SLC71A1: variants seen among roughly 807,000 people sequenced by gnomAD.
SLC71A1 encodes the protein solute carrier family 71 member 1, also known as hippocampus abundant gene transcript 1.
At chr1:100,069,290 A>G in the SLC71A1 span, among the ~76,000 whole-genome samples, 1 of 152,378 alleles carries the variant, frequency 6.6e-6, no homozygotes, top group South Asian at 2.1e-4. Context: ...CCTTGACACT[A>G]GTCTCACTAG....
the SLC71A1 span, among the ~76,000 whole-genome samples, chr1:100,068,970 G>A: frequency 2.0e-5 from 3 of 152,044 alleles, no homozygotes; most frequent in South Asian, 2.1e-4. Context: ...TAACAAGAGC[G>A]AAACTCCGTC....
the SLC71A1 span, among the ~76,000 whole-genome samples, chr1:100,066,426 A>G: frequency 6.6e-6 from 1 of 152,338 alleles, no homozygotes; most frequent in Admixed American, 6.5e-5. Flanking sequence ...GCCCTTAACC[A>G]AGCTTGTCCA....
At chr1:100,067,682 G>A in the SLC71A1 span, among the ~76,000 whole-genome samples, 1 of 152,080 alleles carries the variant, frequency 6.6e-6, no homozygotes, top group African/African-American at 2.4e-5. Context: ...GCGTGGTGGT[G>A]TGTGCCTGTA....
At chr1:100,038,837 G>T in the SLC71A1 span, among the ~76,000 whole-genome samples, 1 of 152,212 alleles carries the variant, frequency 6.6e-6, no homozygotes, top group African/African-American at 2.4e-5. Context: ...GTCTCTCTGC[G>T]TCGGTGCTCC....
At chr1:100,061,734 C>G in the SLC71A1 span, 5 of 733,694 alleles carry the variant, frequency 6.8e-6, no homozygotes, top group Non-Finnish European at 1.2e-5. Context: ...AAGCTGTTGA[C>G]TGAAATGAGC....
chr1:100,062,042 A>G, the SLC71A1 span: 8 of 727,248 alleles, frequency 1.1e-5, 1 homozygote, highest in South Asian at 1.6e-4. Context: ...CCTTTGCATT[A>G]CAAGATTTTT....
At chr1:100,051,605 A>G in the SLC71A1 span, among the ~76,000 whole-genome samples, 1 of 152,132 alleles carries the variant, frequency 6.6e-6, no homozygotes, top group Non-Finnish European at 1.5e-5. Flanking sequence ...ACTTCATTGA[A>G]TTGTAATAAC....
chr1:100,064,312 A>C, the SLC71A1 span, among the ~76,000 whole-genome samples: 1 of 151,922 alleles, frequency 6.6e-6, no homozygotes, highest in Non-Finnish European at 1.5e-5. Flanking sequence ...TTGTATTTTT[A>C]GTAGAGACGG....
chr1:100,046,625 G>T, the SLC71A1 span, among the ~76,000 whole-genome samples: 2 of 152,160 alleles, frequency 1.3e-5, no homozygotes, highest in Non-Finnish European at 2.9e-5. Context: ...TGTGAGGAAT[G>T]TCATTTGTAG....
chr1:100,047,883 T>G, the SLC71A1 span, among the ~76,000 whole-genome samples: 1 of 152,182 alleles, frequency 6.6e-6, no homozygotes, highest in African/African-American at 2.4e-5. Flanking sequence ...CAAAGCATTT[T>G]CCTCCTAAAG....
At chr1:100,044,238 C>A in the SLC71A1 span, among the ~76,000 whole-genome samples, 1 of 152,146 alleles carries the variant, frequency 6.6e-6, no homozygotes, top group Non-Finnish European at 1.5e-5. Context: ...TAAATTATGG[C>A]CATTCTTGCA....
the SLC71A1 span, among the ~76,000 whole-genome samples, chr1:100,064,169 T>G: frequency 1.3e-5 from 2 of 152,164 alleles, no homozygotes; most frequent in Non-Finnish European, 1.5e-5. Flanking sequence ...TGAGACGGAG[T>G]CTCGCTCTGT....
the SLC71A1 span, among the ~76,000 whole-genome samples, chr1:100,044,511 ATTTTTTT>A: frequency 1.3e-4 from 13 of 103,168 alleles, no homozygotes; most frequent in Non-Finnish European, 2.3e-4. Flanking sequence ...TACTCTGCTG[ATTTTTTT>A]TTTTTTTTTT....
the SLC71A1 span, chr1:100,068,130 C>A: frequency 6.2e-7 from 1 of 1,614,136 alleles, no homozygotes; most frequent in Admixed American, 1.7e-5. Flanking sequence ...AGAGTCGTTG[C>A]CTGAGAAAAT....
At chr1:100,059,477 G>T in the SLC71A1 span, among the ~76,000 whole-genome samples, 2 of 151,152 alleles carry the variant, frequency 1.3e-5, no homozygotes, top group African/African-American at 4.9e-5. Flanking sequence ...TCTTGATTCA[G>T]TTTGACAAAC....
At chr1:100,083,100 A>C in the SLC71A1 span, 1 of 152,548 alleles carries the variant, frequency 6.6e-6, no homozygotes, top group South Asian at 2.1e-4. Flanking sequence ...TGTTTGTCCT[A>C]AATTTTCAGG....
chr1:100,069,448 T>C, the SLC71A1 span, among the ~76,000 whole-genome samples: 4 of 152,228 alleles, frequency 2.6e-5, no homozygotes, highest in Non-Finnish European at 5.9e-5. Flanking sequence ...GCATTTTTAG[T>C]ATGTTAAGAT....
chr1:100,056,240 C>G, the SLC71A1 span, among the ~76,000 whole-genome samples: 1 of 152,178 alleles, frequency 6.6e-6, no homozygotes, highest in Non-Finnish European at 1.5e-5. Flanking sequence ...TAATTTTTAG[C>G]TCTCACAAAT....
chr1:100,062,930 A>T, the SLC71A1 span, among the ~76,000 whole-genome samples: 1 of 151,444 alleles, frequency 6.6e-6, no homozygotes, highest in East Asian at 1.9e-4. Context: ...AAAAAAAAAA[A>T]AAAAAGTGAA....
Sources: gnomAD v4.1 joint callset for allele counts (sites outside exome capture counted in the v4.1 genomes callset) on GRCh38, gnomAD v4.1.1 for gene constraint, MANE v1.5 for transcripts, NCBI Gene and HGNC (gene_info 2026-07-23, HGNC 2026-07-21) for gene names.